RPS7: variants seen among roughly 807,000 people sequenced by gnomAD.
The protein encoded by RPS7 is small ribosomal subunit protein eS7.
RPS7 carries 1 observed loss-of-function variant against 22.1 expected under a neutral mutation model. The observed-to-expected ratio is 0.05, with a 90% CI of 0.02 to 0.21. RPS7 has a LOEUF of 0.21. RPS7 is among the 10% of genes least tolerant of loss of function. The pLI is 1.00. For synonymous variants in RPS7, 80 were observed against 92.0 expected (o/e 0.87, Z 0.74); for missense variants, 137 against 246.4 (o/e 0.56, Z 2.97).
At position 3,576,639 on chromosome 2, in the gene RPS7, T is replaced by C; in HGVS notation, c.291+9T>C. 6.2e-7 allele frequency: 1 copy of C among 1,614,186 alleles called. No homozygotes were observed. ...TCGTCTTTATCGCTCAGGTATCTGT[T>C]CTACTGTTGCAGCACGTTTCTGTTT... On this transcript the variant is annotated intron_variant, in intron 4 of 6. Transcript: ENST00000645674.
At chr2:3,575,426 G>C in intron 1 of RPS7, 76 bp downstream of exon 1, 1 of 613,932 alleles carries the variant, frequency 1.6e-6, no homozygotes, top group South Asian at 2.0e-5. Flanking sequence ...TCAGGCCCTG[G>C]AGGGGCGAGC....
rs1661257842 is a variant in RPS7, at chr2:3,575,693, G to A, written c.75+9G>A. On this transcript the variant is annotated intron_variant, in intron 2 of 6. Transcript: ENST00000645674. ...AGTCCGGCATCTCCCAGGTGAGAGG[G>A]TTTCCCTGGGGTCTGGGGTGGGGGG... 6.2e-7 allele frequency: 1 copy of A among 1,602,574 alleles called. No individual in the cohort carries two copies.
At chr2:3,580,919 ACT>A (rs777435945) in exon 7 of RPS7, 3 of 1,214,340 alleles carry the variant, frequency 2.5e-6, no homozygotes, top group Non-Finnish European at 3.6e-6. Context: ...TATTCACAGT[ACT>A]CTGTTTCAGT....
rs1478289413 is a variant in RPS7 at position 3,580,215 on chromosome 2, A to T, written c.462A>T (p.Ile154=). ...IRVKLDGSRL[I]KVHLDKAQQN... is the part of the protein sequence containing the mutation. ...TCAAACTAGATGGCAGCCGGCTCATAAAGGTTCATTTGGACAAAGCACAGC... is the reference window on the plus strand; with the variant it reads ...TCAAACTAGATGGCAGCCGGCTCATTAAGGTTCATTTGGACAAAGCACAGC... The change falls in exon 6 of 7, where the codon ATA becomes ATT. Residue 154 remains isoleucine (I), a synonymous_variant. Coordinates refer to ENST00000645674, the MANE Select transcript of RPS7 (RefSeq NM_001011.4). 2 of 1,613,552 alleles carry T rather than the reference A, an allele frequency of 1.2e-6. No individual in the cohort carries two copies. The highest frequency in any genetic ancestry group is 1.7e-6 in the Non-Finnish European group (2 of 1,179,822).
chr2:3,576,189 G>T, intron 3 of RPS7: 1 of 591,320 alleles, frequency 1.7e-6, no homozygotes, highest in South Asian at 2.0e-5. Flanking sequence ...AAAGAGCTGT[G>T]GGGAGCTCAG....
intron 3 of RPS7, 182 bp downstream of exon 3, chr2:3,576,070 G>C (rs535356277): frequency 1.5e-6 from 1 of 653,580 alleles, no homozygotes; most frequent in South Asian, 1.8e-5. Flanking sequence ...GGGGTTGCAG[G>C]TACCCTGCGG....
chr2:3,578,036 G>T, intron 5 of RPS7: 1 of 482,048 alleles, frequency 2.1e-6, no homozygotes, highest in Non-Finnish European at 3.7e-6. Flanking sequence ...CACAGGATAG[G>T]AATGATGAGA....
chr2:3,575,771 C>G, intron 2 of RPS7, 46 bp from the exon 3 acceptor site: 1 of 1,598,614 alleles, frequency 6.3e-7, no homozygotes, highest in Non-Finnish European at 8.6e-7. Flanking sequence ...GCCCGGGGTG[C>G]TCGGACGCGC....
chr2:3,576,045 C>G, intron 3 of RPS7, 157 bp downstream of exon 3: 1 of 686,212 alleles, frequency 1.5e-6, no homozygotes, highest in South Asian at 1.7e-5. Flanking sequence ...GTGATACCGC[C>G]CAGGTGCGGG....
intron 3 of RPS7, chr2:3,576,109 GA>G: frequency 3.3e-6 from 2 of 614,454 alleles, no homozygotes; most frequent in Non-Finnish European, 5.8e-6. Flanking sequence ...GGGCGGTGGA[GA>G]AACGTGGAGT....
intron 4 of RPS7, 74 bp downstream of exon 4, chr2:3,576,704 G>T: frequency 4.7e-6 from 7 of 1,476,728 alleles, no homozygotes; most frequent in Non-Finnish European, 6.6e-6. Flanking sequence ...GACTGCATTG[G>T]TAGTTGGAGT....
intron 5 of RPS7, chr2:3,579,827 A>C: frequency 1.9e-6 from 1 of 534,996 alleles, no homozygotes; most frequent in East Asian, 3.3e-5. Flanking sequence ...CACATTCCCT[A>C]GAGATGGTCA....
At chr2:3,579,637 TCCACTG>T in intron 5 of RPS7, 1 of 185,572 alleles carries the variant, frequency 5.4e-6, no homozygotes, top group Admixed American at 5.4e-5. Flanking sequence ...GGAGCAAGAT[TCCACTG>T]GCAGTTCTGT....
intron 5 of RPS7, chr2:3,579,752 A>T (rs1661358731): frequency 2.8e-6 from 1 of 360,554 alleles, no homozygotes; most frequent in African/African-American, 2.1e-5. Flanking sequence ...GTTAAAGGTT[A>T]TTGTAGTGAT....
chr2:3,577,475 T>G, intron 4 of RPS7: 1 of 557,220 alleles, frequency 1.8e-6, no homozygotes, highest in Non-Finnish European at 3.2e-6. Flanking sequence ...TCTGGGAGAT[T>G]TTGTCCACTG....
chr2:3,580,777 C>A (rs1266534280), intron 6 of RPS7, 28 bp from the exon 7 acceptor site: 27 of 1,393,124 alleles, frequency 1.9e-5, no homozygotes, highest in Non-Finnish European at 2.7e-5. Flanking sequence ...TTTCAAAGTT[C>A]TGTGATGAAT....
At chr2:3,576,394 G>A in intron 3 of RPS7, 93 bp from the exon 4 acceptor site, 2 of 1,052,140 alleles carry the variant, frequency 1.9e-6, no homozygotes. Flanking sequence ...TGCAGCTACG[G>A]TGTTAGTGAT....
intron 3 of RPS7, 197 bp from the exon 4 acceptor site, chr2:3,576,290 T>G: frequency 1.5e-6 from 1 of 662,304 alleles, no homozygotes; most frequent in Non-Finnish European, 2.7e-6. Context: ...ACAGTCTCCC[T>G]TCCTGGAATA....
intron 6 of RPS7, chr2:3,580,501 A>G: frequency 1.6e-6 from 1 of 636,212 alleles, no homozygotes; most frequent in Non-Finnish European, 2.8e-6. Flanking sequence ...GTGGTCTTTT[A>G]GTTAGGCTGT....
Sources: gnomAD v4.1 joint callset for allele counts on GRCh38, gnomAD v4.1.1 for gene constraint, MANE v1.5 for transcripts, NCBI Gene and HGNC (gene_info 2026-07-23, HGNC 2026-07-21) for gene names.